The following SLC44A5 variants were observed in gnomAD, a reference collection of about 807,000 sequenced individuals.
The protein encoded by SLC44A5 is solute carrier family 44 member 5, also known as choline transporter-like protein 5.
SLC44A5 carries 57 observed loss-of-function variants against 101.8 expected under a neutral mutation model. That is an observed-to-expected ratio of 0.56 (90% CI 0.45 to 0.70). The LOEUF (loss-of-function observed/expected upper bound fraction) is 0.70. SLC44A5 is among the 30% of genes least tolerant of loss of function. SLC44A5 has a pLI of 0.00. For missense variants in SLC44A5, 737 were observed against 853.1 expected, an observed-to-expected ratio of 0.86 and a Z score of 1.70; for synonymous variants, 281 against 290.9, an observed-to-expected ratio of 0.97 and a Z score of 0.35.
intron 1 of SLC44A5, among the ~76,000 whole-genome samples, chr1:75,595,688 A>G (rs1272778093): frequency 6.6e-6 from 1 of 152,184 alleles, no homozygotes; most frequent in Non-Finnish European, 1.5e-5. Context: ...TTTTAAAAAA[A>G]CTGCATCTTA....
intron 2 of SLC44A5, among the ~76,000 whole-genome samples, chr1:75,489,394 A>G (rs947442226): frequency 3.3e-5 from 5 of 152,252 alleles, no homozygotes; most frequent in Non-Finnish European, 7.3e-5. Flanking sequence ...AAAGAAAAAC[A>G]TAGAGCCAGC....
chr1:75,653,917 C>T, the SLC44A5 span, among the ~76,000 whole-genome samples: 2 of 152,084 alleles, frequency 1.3e-5, no homozygotes, highest in Admixed American at 1.3e-4. Context: ...GATGATTTTA[C>T]CTGACAGCTT....
At chr1:75,233,646 G>A (rs1193099247) in intron 12 of SLC44A5, among the ~76,000 whole-genome samples, 1 of 152,118 alleles carries the variant, frequency 6.6e-6, no homozygotes, top group African/African-American at 2.4e-5. Context: ...TGATCGGATA[G>A]AAACGTTAAA....
rs369869954 is a variant in SLC44A5 at position 75,426,530 on chromosome 1, T to C, written c.14-29909A>G. On this transcript the variant is annotated intron_variant, in intron 2 of 23. Transcript: ENST00000370859. ...TGGTTTCCCGACTAATCACACAAAA[T>C]GACACTGCAGAAAGACACATCTAAC... Among the ~76,000 whole-genome samples the C allele has an allele frequency of 7.2e-5, 11 of 152,298 alleles. No homozygotes were observed. In the East Asian group the frequency reaches 1.5e-3, roughly 21 times the overall value.
At chr1:75,585,922 G>A (rs891107571) in intron 1 of SLC44A5, among the ~76,000 whole-genome samples, 1 of 152,090 alleles carries the variant, frequency 6.6e-6, no homozygotes, top group Non-Finnish European at 1.5e-5. Context: ...GTTCCCAAGT[G>A]ATGCTGCTCC....
At chr1:75,646,815 G>A in the SLC44A5 span, among the ~76,000 whole-genome samples, 2 of 152,296 alleles carry the variant, frequency 1.3e-5, no homozygotes, top group African/African-American at 4.8e-5. Context: ...GTGGAACTTT[G>A]AACTTGAGAG....
chr1:75,548,600 G>T (rs1671776911), intron 1 of SLC44A5, among the ~76,000 whole-genome samples: 2 of 152,030 alleles, frequency 1.3e-5, no homozygotes, highest in African/African-American at 4.8e-5. Context: ...GGGCTAAAAA[G>T]GACTCAAAGA....
intron 2 of SLC44A5, among the ~76,000 whole-genome samples, chr1:75,466,250 A>G (rs1462120331): frequency 6.6e-6 from 1 of 152,202 alleles, no homozygotes; most frequent in Non-Finnish European, 1.5e-5. Flanking sequence ...GTGATATATC[A>G]TATTAACAGA....
At chr1:75,440,060 CAT>C (rs1665109980) in intron 2 of SLC44A5, among the ~76,000 whole-genome samples, 1 of 152,016 alleles carries the variant, frequency 6.6e-6, no homozygotes, top group African/African-American at 2.4e-5. Flanking sequence ...TAAAATTGTA[CAT>C]GTCTTTATTC....
At chr1:75,531,096 C>T (rs186571123) in intron 2 of SLC44A5, among the ~76,000 whole-genome samples, 208 of 152,212 alleles carry the variant, frequency 1.4e-3, no homozygotes, top group Middle Eastern at 0.014. Context: ...GGAAGATGCC[C>T]CCCAGATTGC....
rs190867463 is a variant in SLC44A5, at chr1:75,598,281, G to C, written c.-70+12759C>G. On this transcript the variant is annotated intron_variant, in intron 1 of 23. Transcript: ENST00000370859. ...ATTAAGAAGCCAAAAAAAAACAGAT[G>C]CTGGCAAGTTGTGGAGAAAAAGGAA... Among the ~76,000 whole-genome samples the C allele has an allele frequency of 6.6e-5, 10 of 152,154 alleles. No individual in the cohort carries two copies. In the South Asian group the frequency reaches 1.5e-3, roughly 22 times the overall value.
chr1:75,295,858 T>C (rs969026288), intron 5 of SLC44A5, among the ~76,000 whole-genome samples: 1 of 152,134 alleles, frequency 6.6e-6, no homozygotes, highest in African/African-American at 2.4e-5. Flanking sequence ...GAAAGTTTAG[T>C]CAGGAAAGAG....
chr1:75,297,073 G>T (rs1435653541), intron 5 of SLC44A5, among the ~76,000 whole-genome samples: 7 of 152,186 alleles, frequency 4.6e-5, no homozygotes, highest in South Asian at 4.1e-4. Flanking sequence ...TTACAGCATG[G>T]TGACAGAGTT....
At chr1:75,404,184 G>T (rs1662694444) in intron 2 of SLC44A5, among the ~76,000 whole-genome samples, 1 of 152,076 alleles carries the variant, frequency 6.6e-6, no homozygotes, top group Non-Finnish European at 1.5e-5. Context: ...AAGCCTCCAA[G>T]AAATATGGGA....
intron 4 of SLC44A5, among the ~76,000 whole-genome samples, chr1:75,329,515 T>C (rs1656862737): frequency 6.6e-6 from 1 of 152,178 alleles, no homozygotes; most frequent in Non-Finnish European, 1.5e-5. Context: ...ATACTTCTAT[T>C]TAGCAAGTCA....
intron 4 of SLC44A5, among the ~76,000 whole-genome samples, chr1:75,308,250 G>A (rs1655051298): frequency 6.6e-6 from 1 of 152,106 alleles, no homozygotes; most frequent in African/African-American, 2.4e-5. Context: ...GTTCTTCTGA[G>A]TAATTAGATC....
At chr1:75,333,068 A>C (rs1295132720) in intron 4 of SLC44A5, among the ~76,000 whole-genome samples, 4 of 152,166 alleles carry the variant, frequency 2.6e-5, no homozygotes, top group Non-Finnish European at 5.9e-5. Context: ...AAGAACACAA[A>C]ATTTAAAAAA....
upstream of SLC44A5, among the ~76,000 whole-genome samples, chr1:75,612,628 C>T (rs938761584): frequency 3.9e-5 from 6 of 152,158 alleles, no homozygotes; most frequent in African/African-American, 1.2e-4. Context: ...CTGCTTCTTC[C>T]AGGCCTCCTC....
intron 2 of SLC44A5, among the ~76,000 whole-genome samples, chr1:75,476,532 C>G (rs1470883321): frequency 6.6e-6 from 1 of 152,196 alleles, no homozygotes; most frequent in African/African-American, 2.4e-5. Flanking sequence ...CCTGGAAAAT[C>G]AGGTCACTCC....
Sources: gnomAD v4.1 joint callset for allele counts (sites outside exome capture counted in the v4.1 genomes callset) on GRCh38, gnomAD v4.1.1 for gene constraint, MANE v1.5 for transcripts, NCBI Gene and HGNC (gene_info 2026-07-23, HGNC 2026-07-21) for gene names.